SEMA3D: variants seen among roughly 807,000 people sequenced by gnomAD.
SEMA3D encodes the protein semaphorin 3D.
Under a neutral mutation model 100.1 loss-of-function variants are expected in SEMA3D, and 84 were observed. The ratio of observed to expected loss-of-function variants is 0.84; its 90% CI spans 0.70 to 1.01. SEMA3D has a LOEUF of 1.01. SEMA3D is among the 50% of genes least tolerant of loss of function. The probability of loss-of-function intolerance (pLI) is 0.00; values close to 1 mark genes in which losing one functional copy is unlikely to be tolerated. For missense variants in SEMA3D, 875 were observed against 934.1 expected (o/e 0.94, Z 0.82); for synonymous variants, 312 against 320.7 (o/e 0.97, Z 0.29).
At chr7:85,008,844 C>A (rs1220326410) in intron 17 of SEMA3D, among the ~76,000 whole-genome samples, 1 of 151,738 alleles carries the variant, frequency 6.6e-6, no homozygotes, top group African/African-American at 2.4e-5. Context: ...ACAATGTACA[C>A]AAACTTTGTT....
chr7:85,144,708 G>T, intron 2 of SEMA3D: 1 of 983,888 alleles, frequency 1.0e-6, no homozygotes, highest in Non-Finnish European at 1.2e-6. Flanking sequence ...GTTCTTATTT[G>T]TTCTCTTCCC....
chr7:85,232,006 C>T, the SEMA3D span, among the ~76,000 whole-genome samples: 4 of 151,958 alleles, frequency 2.6e-5, no homozygotes, highest in East Asian at 3.9e-4. Context: ...CCAGTGAAAA[C>T]GAAAAAGATT....
chr7:85,243,315 GCTC>G, the SEMA3D span, among the ~76,000 whole-genome samples: 1 of 152,232 alleles, frequency 6.6e-6, no homozygotes, highest in African/African-American at 2.4e-5. Flanking sequence ...TCCTGTAAGA[GCTC>G]CTGGAGGTAA....
chr7:85,224,960 C>T, the SEMA3D span, among the ~76,000 whole-genome samples: 11 of 148,842 alleles, frequency 7.4e-5, no homozygotes, highest in African/African-American at 2.5e-4. Flanking sequence ...GTTTCATTTT[C>T]GAAATACAAA....
At chr7:85,031,339 T>C (rs1294895400) in intron 12 of SEMA3D, among the ~76,000 whole-genome samples, 1 of 152,032 alleles carries the variant, frequency 6.6e-6, no homozygotes, top group East Asian at 1.9e-4. Context: ...AGCTTTAACT[T>C]AAGTGTAATA....
intron 12 of SEMA3D, chr7:85,029,124 C>T (rs1790474094): frequency 9.8e-6 from 6 of 611,104 alleles, no homozygotes; most frequent in Non-Finnish European, 1.9e-5. Context: ...CCTACTCTGA[C>T]AAGCCTAGCA....
the SEMA3D span, among the ~76,000 whole-genome samples, chr7:85,224,881 AT>A: frequency 6.6e-6 from 1 of 151,598 alleles, no homozygotes; most frequent in Non-Finnish European, 1.5e-5. Context: ...CACAAGATGC[AT>A]ATATTTATCC....
At chr7:85,145,353 G>C (rs1047337884) in intron 2 of SEMA3D, among the ~76,000 whole-genome samples, 3 of 151,972 alleles carry the variant, frequency 2.0e-5, no homozygotes, top group African/African-American at 7.2e-5. Context: ...GTTTGGGGGG[G>C]ATAGATAAAA....
intron 2 of SEMA3D, among the ~76,000 whole-genome samples, chr7:85,130,226 A>G (rs780733895): frequency 2.6e-5 from 4 of 152,152 alleles, no homozygotes; most frequent in Non-Finnish European, 4.4e-5. Flanking sequence ...CAAACTCAGC[A>G]ACTATCAATA....
chr7:85,041,450 A>G (rs1790862096), intron 10 of SEMA3D: 1 of 151,928 alleles, frequency 6.6e-6, no homozygotes, highest in Non-Finnish European at 1.5e-5. Context: ...ATATTCTTTA[A>G]AAGATTAAGA....
intron 3 of SEMA3D, among the ~76,000 whole-genome samples, chr7:85,112,881 T>C (rs1789130976): frequency 6.6e-6 from 1 of 152,228 alleles, no homozygotes; most frequent in African/African-American, 2.4e-5. Flanking sequence ...CAATGACTTT[T>C]ATCTAAAACA....
intron 12 of SEMA3D, 84 bp downstream of exon 12, chr7:85,036,805 G>T (rs1290361069): frequency 1.8e-6 from 2 of 1,107,454 alleles, no homozygotes; most frequent in Non-Finnish European, 2.6e-6. Flanking sequence ...TGTGGCTCTG[G>T]TGAATAGCAG....
chr7:85,105,650 C>T (rs1023525529), intron 3 of SEMA3D, among the ~76,000 whole-genome samples: 3 of 152,074 alleles, frequency 2.0e-5, no homozygotes, highest in African/African-American at 7.2e-5. Context: ...AAGCTATCCA[C>T]ACTAACCATT....
At chr7:85,241,049 A>T in the SEMA3D span, among the ~76,000 whole-genome samples, 2 of 152,166 alleles carry the variant, frequency 1.3e-5, no homozygotes, top group Non-Finnish European at 2.9e-5. Flanking sequence ...CAAATGGCCA[A>T]CAGACATATG....
chr7:85,161,521 G>A (rs1790744400), intron 1 of SEMA3D, among the ~76,000 whole-genome samples: 2 of 152,114 alleles, frequency 1.3e-5, no homozygotes, highest in African/African-American at 4.8e-5. Flanking sequence ...GAGGGGCAAA[G>A]AAGACAGGGC....
rs201296486 is a variant in SEMA3D, at chr7:85,169,963, T to TA, written c.-172-16225dup. On this transcript the variant is annotated intron_variant, in intron 1 of 18. Coordinates refer to ENST00000284136, the MANE Select transcript of SEMA3D (RefSeq NM_001384900.1). ...GAATGTGTGTTTGTGAATGTGAAAA[T>TA]AAAAAAAAGTTCATTATATATGTGA... Among the ~76,000 whole-genome samples the TA allele has an allele frequency of 3.9e-3, 590 of 151,446 alleles. 3 individuals are homozygous for TA. Among genetic ancestry groups the TA allele is most frequent in the South Asian group, 0.016 (79 of 4,808 alleles).
chr7:85,163,109 G>GA (rs879345774), intron 1 of SEMA3D: 719 of 415,712 alleles, frequency 1.7e-3, no homozygotes, highest in Non-Finnish European at 2.0e-3. Flanking sequence ...ACAAAGAAAA[G>GA]AAAAAAAAAG....
the SEMA3D span, among the ~76,000 whole-genome samples, chr7:85,235,886 G>C: frequency 6.6e-6 from 1 of 152,082 alleles, no homozygotes; most frequent in Non-Finnish European, 1.5e-5. Context: ...GAGGTGGCTG[G>C]CATTTTATTT....
chr7:85,092,977 C>G lies in SEMA3D; in HGVS notation c.312+4828G>C, dbSNP rs185461277. Among the ~76,000 whole-genome samples the G allele has an allele frequency of 4.9e-4, 74 of 152,102 alleles. 2 individuals carry two copies. The highest frequency in any genetic ancestry group is 4.8e-3 in the Admixed American group (74 of 15,260). On this transcript the variant is annotated intron_variant, in intron 4 of 18. Coordinates refer to ENST00000284136, the MANE Select transcript of SEMA3D (RefSeq NM_001384900.1). ...TACTGGAAACAAATACTTTCCAAGG[C>G]TATCTACTGAAAGAAAAATAAATTC...
Sources: allele counts gnomAD v4.1 joint callset (sites outside exome capture counted in the v4.1 genomes callset), GRCh38; gene constraint gnomAD v4.1.1; transcripts MANE v1.5; gene names NCBI Gene and HGNC (gene_info 2026-07-23, HGNC 2026-07-21).